Variants in ZNF438 observed in about 807,000 individuals in gnomAD.
ZNF438 encodes zinc finger protein 438.
ZNF438 carries 25 observed loss-of-function variants against 38.0 expected under a neutral mutation model. The ratio of observed to expected loss-of-function variants is 0.66; its 90% CI spans 0.48 to 0.92. The LOEUF is 0.92. Ranked by LOEUF, ZNF438 falls within the 40% of genes least tolerant of loss-of-function variation. The probability of loss-of-function intolerance (pLI) is 0.00; values close to 1 mark genes in which losing one functional copy is unlikely to be tolerated. For synonymous variants in ZNF438, 372 were observed against 364.1 expected (o/e 1.02, Z -0.25); for missense variants, 1,007 against 999.6 (o/e 1.01, Z -0.10).
At chr10:30,846,058 T>G (rs1345741721) in intron 5 of ZNF438, among the ~76,000 whole-genome samples, 1 of 152,232 alleles carries the variant, frequency 6.6e-6, no homozygotes, top group Non-Finnish European at 1.5e-5. Context: ...ATTTCTTCCT[T>G]GCTTTTCTAG....
At chr10:30,951,573 A>G (rs1417521384) in intron 1 of ZNF438, among the ~76,000 whole-genome samples, 4 of 152,152 alleles carry the variant, frequency 2.6e-5, no homozygotes, top group Non-Finnish European at 4.4e-5. Context: ...AAATCAATGT[A>G]CAAAAATCAC....
At chr10:31,030,847 C>A (rs752820221) in intron 1 of ZNF438, among the ~76,000 whole-genome samples, 20 of 152,142 alleles carry the variant, frequency 1.3e-4, no homozygotes, top group Non-Finnish European at 2.1e-4. Flanking sequence ...ACCCCTTGAC[C>A]AAAATATTCA....
At chr10:30,847,059 G>C (rs2032332870) in intron 5 of ZNF438, among the ~76,000 whole-genome samples, 1 of 152,228 alleles carries the variant, frequency 6.6e-6, no homozygotes, top group Non-Finnish European at 1.5e-5. Context: ...CCAGCCTGCA[G>C]GTGCCCCCTC....
intron 3 of ZNF438, among the ~76,000 whole-genome samples, chr10:30,901,927 G>A (rs969796547): frequency 6.6e-6 from 1 of 152,094 alleles, no homozygotes; most frequent in Non-Finnish European, 1.5e-5. Flanking sequence ...CGCTGTGAGT[G>A]TTACAGCTCT....
intron 5 of ZNF438, among the ~76,000 whole-genome samples, chr10:30,848,153 C>T (rs1483155400): frequency 6.6e-6 from 1 of 152,184 alleles, no homozygotes; most frequent in Non-Finnish European, 1.5e-5. Context: ...GTCTGGGCAC[C>T]TTAAGGTAGG....
In ZNF438 at chr10:30,962,983, A is replaced by G. The variant is rs180822608; in HGVS notation, c.-191-21332T>C. On this transcript the variant is annotated intron_variant, in intron 1 of 5. Coordinates refer to ENST00000413025, the Ensembl canonical transcript of ZNF438. Reference sequence around the variant, plus strand: ...ATGCACTAATGGGTTTGCTTTTAATAAGTAAATATAATCAAAGGGTCTCAA... The same window carrying G: ...ATGCACTAATGGGTTTGCTTTTAATGAGTAAATATAATCAAAGGGTCTCAA... Among the ~76,000 whole-genome samples the G allele has an allele frequency of 3.9e-5, 6 of 152,378 alleles. No individual in the cohort carries two copies. In the East Asian group the frequency reaches 5.8e-4, roughly 15 times the overall value.
chr10:31,004,630 T>C (rs1488586632), intron 1 of ZNF438, among the ~76,000 whole-genome samples: 4 of 152,192 alleles, frequency 2.6e-5, no homozygotes, highest in Admixed American at 6.5e-5. Context: ...CTGCTGAGCG[T>C]ATCATTAAAG....
chr10:30,998,459 C>T (rs890034648), intron 1 of ZNF438, among the ~76,000 whole-genome samples: 6 of 138,988 alleles, frequency 4.3e-5, no homozygotes. Flanking sequence ...AGGAGAATGG[C>T]GTGAACCCGA....
intron 3 of ZNF438, among the ~76,000 whole-genome samples, chr10:30,890,064 T>C (rs2040479386): frequency 6.7e-6 from 1 of 149,884 alleles, no homozygotes; most frequent in Non-Finnish European, 1.5e-5. Context: ...AAGAAAGGTT[T>C]TATTATCTTT....
In ZNF438 at chr10:30,896,519, TGAG is replaced by T. The variant is rs1564595278; in HGVS notation, c.-32+12411_-32+12413del. Among the ~76,000 whole-genome samples the T allele has an allele frequency of 5.3e-5, 8 of 152,156 alleles. 2 individuals are homozygous for T. The South Asian group carries it at 1.7e-3, about 32-fold the overall frequency. On this transcript the variant is annotated intron_variant, in intron 3 of 5. Coordinates refer to ENST00000413025, the Ensembl canonical transcript of ZNF438. ...CACATGCTATAATATGAATGAACCTTGAGGAGACTATGTTAAATGAAATAAGCC... is the reference window on the plus strand; with the variant it reads ...CACATGCTATAATATGAATGAACCTTGAGACTATGTTAAATGAAATAAGCC...
At chr10:31,008,457 C>G (rs565028710) in intron 1 of ZNF438, among the ~76,000 whole-genome samples, 119 of 152,188 alleles carry the variant, frequency 7.8e-4, no homozygotes, top group Non-Finnish European at 1.1e-3. Context: ...CTCCTCTAAC[C>G]CTCTCAGCTC....
intron 4 of ZNF438, among the ~76,000 whole-genome samples, chr10:30,864,149 C>T (rs1055392855): frequency 1.3e-5 from 2 of 152,184 alleles, no homozygotes; most frequent in Admixed American, 6.5e-5. Context: ...TGTAAACTCC[C>T]TTTTTGTCTT....
At chr10:30,990,401 A>T (rs2070098780) in intron 1 of ZNF438, among the ~76,000 whole-genome samples, 1 of 152,238 alleles carries the variant, frequency 6.6e-6, no homozygotes, top group African/African-American at 2.4e-5. Context: ...AGATGCAACC[A>T]AACATTGACA....
chr10:30,854,181 G>A (rs1012646867), intron 4 of ZNF438, among the ~76,000 whole-genome samples: 4 of 152,092 alleles, frequency 2.6e-5, no homozygotes, highest in Non-Finnish European at 5.9e-5. Flanking sequence ...TTAGCTGGGC[G>A]TGGTGGTGGG....
At chr10:30,935,528 T>A (rs1173285097) in intron 2 of ZNF438, among the ~76,000 whole-genome samples, 1 of 152,178 alleles carries the variant, frequency 6.6e-6, no homozygotes, top group Admixed American at 6.5e-5. Flanking sequence ...AAGACATTCA[T>A]GAGGGATCTG....
exon 6 of ZNF438, chr10:30,845,008 C>A: frequency 6.2e-7 from 1 of 1,614,162 alleles, no homozygotes; most frequent in African/African-American, 1.3e-5. Context: ...TGGTTGGAGA[C>A]CGTATTTAAA....
intron 1 of ZNF438, among the ~76,000 whole-genome samples, chr10:30,961,062 A>G (rs1464320058): frequency 6.9e-6 from 1 of 145,260 alleles, no homozygotes; most frequent in Admixed American, 7.0e-5. Context: ...GGCATAGTAT[A>G]TTAATAACAG....
chr10:30,857,992 G>A (rs1373168101), intron 4 of ZNF438, among the ~76,000 whole-genome samples: 1 of 152,192 alleles, frequency 6.6e-6, no homozygotes, highest in Non-Finnish European at 1.5e-5. Flanking sequence ...CTGCTCTGTT[G>A]CTTCTGAATA....
At chr10:30,849,612 G>C in exon 5 of ZNF438, 1 of 1,614,206 alleles carries the variant, frequency 6.2e-7, no homozygotes, top group South Asian at 1.1e-5. Context: ...GTTTTTGCAA[G>C]ATCAACTTGT....
Sources: gnomAD v4.1 joint callset for allele counts (sites outside exome capture counted in the v4.1 genomes callset) on GRCh38, gnomAD v4.1.1 for gene constraint, MANE v1.5 for transcripts, NCBI Gene and HGNC (gene_info 2026-07-23, HGNC 2026-07-21) for gene names.